Variants in IDO2 observed in about 807,000 individuals in gnomAD.
IDO2 encodes the protein indoleamine 2,3-dioxygenase 2.
A neutral mutation model predicts 45.1 loss-of-function variants in IDO2; 46 were observed. The ratio of observed to expected loss-of-function variants is 1.02; its 90% CI spans 0.80 to 1.30. The LOEUF is 1.30. Among genes scored for constraint, IDO2 ranks in the 50% most tolerant of loss-of-function variants. The pLI is 0.00. For missense variants in IDO2, 544 were observed against 491.8 expected, an observed-to-expected ratio of 1.11 and a Z score of -1.00; for synonymous variants, 218 against 184.9, an observed-to-expected ratio of 1.18 and a Z score of -1.45.
At chr8:39,973,833 C>T (rs907206684) in intron 3 of IDO2, among the ~76,000 whole-genome samples, 2 of 151,724 alleles carry the variant, frequency 1.3e-5, no homozygotes, top group Non-Finnish European at 2.9e-5. Flanking sequence ...CCTCCACTTC[C>T]CGGGTTCAAG....
At chr8:39,972,015 G>A (rs1808187001) in intron 3 of IDO2, among the ~76,000 whole-genome samples, 1 of 152,006 alleles carries the variant, frequency 6.6e-6, no homozygotes, top group African/African-American at 2.4e-5. Flanking sequence ...TTTCCATGTT[G>A]GCCAGGCTGG....
Position 39,966,925 on chromosome 8 carries a change from A to G in IDO2, c.195+3222A>G, listed in dbSNP as rs1216077507. Among the ~76,000 whole-genome samples, 3 of 152,216 alleles carry G rather than the reference A, an allele frequency of 2.0e-5. No homozygotes were observed. The East Asian group carries it at 5.8e-4, about 29-fold the overall frequency. On this transcript the variant is annotated intron_variant, in intron 3 of 10. Coordinates refer to ENST00000502986, the Ensembl canonical transcript of IDO2. ...AATGGCCTCCAATAAATAAGATGATATTAGTGCTTTAAATATTTTATTTAG... is the reference window on the plus strand; with the variant it reads ...AATGGCCTCCAATAAATAAGATGATGTTAGTGCTTTAAATATTTTATTTAG...
intron 4 of IDO2, among the ~76,000 whole-genome samples, chr8:39,980,788 C>G (rs919657483): frequency 6.6e-6 from 1 of 152,126 alleles, no homozygotes; most frequent in Non-Finnish European, 1.5e-5. Context: ...TCACTCTTGT[C>G]GCCCAGGCTA....
At chr8:39,946,844 G>A (rs1807739451) in intron 1 of IDO2, among the ~76,000 whole-genome samples, 1 of 151,670 alleles carries the variant, frequency 6.6e-6, no homozygotes, top group Non-Finnish European at 1.5e-5. Context: ...CTTAGTGGTA[G>A]GGTCCCAAAA....
At chr8:39,982,670 G>A (rs758397683) in exon 5 of IDO2, 1 of 1,609,454 alleles carries the variant, frequency 6.2e-7, no homozygotes, top group Non-Finnish European at 8.5e-7. Flanking sequence ...AAGGAATCTT[G>A]CCCTTCCATT....
intron 3 of IDO2, among the ~76,000 whole-genome samples, chr8:39,972,717 T>A (rs947787568): frequency 6.6e-6 from 1 of 151,498 alleles, no homozygotes; most frequent in African/African-American, 2.4e-5. Flanking sequence ...AGTCAATTGA[T>A]GTGGCAAACC....
Position 40,010,298 on chromosome 8 carries a change from C to T in IDO2, c.720-3267C>T, listed in dbSNP as rs1272876937. Reference sequence around the variant, plus strand: ...AAGTGCAATAACCCTGAGGTGGGAGCGTGTTGGTCGTGGTGGAAGAGCTGC... The same window carrying T: ...AAGTGCAATAACCCTGAGGTGGGAGTGTGTTGGTCGTGGTGGAAGAGCTGC... On this transcript the variant is annotated intron_variant, in intron 9 of 10. Transcript: ENST00000502986. Among the ~76,000 whole-genome samples the T allele has an allele frequency of 5.3e-5, 8 of 151,952 alleles. No individual in the cohort carries two copies. The East Asian group carries it at 5.8e-4, about 11-fold the overall frequency.
chr8:39,993,040 C>T (rs534559774), intron 8 of IDO2, among the ~76,000 whole-genome samples: 18 of 152,246 alleles, frequency 1.2e-4, no homozygotes, highest in East Asian at 5.8e-4. Context: ...GAAGTCCACA[C>T]GGTACTGGAA....
At chr8:40,007,897 T>C in intron 9 of IDO2, among the ~76,000 whole-genome samples, 1 of 152,108 alleles carries the variant, frequency 6.6e-6, no homozygotes, top group East Asian at 1.9e-4. Context: ...TCAAAACTCA[T>C]TTAGGTTGTT....
chr8:39,935,111 C>A, exon 1 of IDO2: 1 of 1,107,046 alleles, frequency 9.0e-7, no homozygotes, highest in Non-Finnish European at 1.4e-6. Context: ...TACCATAATA[C>A]AGAAGGCAAT....
At chr8:40,004,552 T>G (rs1314541874) in intron 8 of IDO2, among the ~76,000 whole-genome samples, 45 of 151,712 alleles carry the variant, frequency 3.0e-4, no homozygotes, top group Admixed American at 3.0e-3. Context: ...GATAGATAGA[T>G]AGATAGATAG....
rs371772821 is a variant in IDO2, at chr8:39,991,058, A to G, written c.667+1220A>G. 3.5e-4 allele frequency among the ~76,000 whole-genome samples: 53 copies of G among 152,304 alleles called. No homozygotes were observed. The East Asian group carries it at 7.7e-3, about 22-fold the overall frequency. On this transcript the variant is annotated intron_variant, in intron 8 of 10. Coordinates refer to ENST00000502986, the Ensembl canonical transcript of IDO2. ...GGAAAAGAGAGTGTTTACAAGAAGC[A>G]GGACTGGAGGGAGGGAGAAAGACGC...
intron 1 of IDO2, among the ~76,000 whole-genome samples, chr8:39,938,040 T>C (rs1224292630): frequency 6.6e-6 from 1 of 152,234 alleles, no homozygotes; most frequent in Non-Finnish European, 1.5e-5. Context: ...TTCTTAGACA[T>C]GTTAAGAACT....
At chr8:39,977,085 C>T (rs1441340940) in intron 3 of IDO2, among the ~76,000 whole-genome samples, 1 of 151,666 alleles carries the variant, frequency 6.6e-6, no homozygotes, top group Non-Finnish European at 1.5e-5. Flanking sequence ...TATTAAACAA[C>T]AATGAACTAA....
chr8:39,949,975 G>A (rs930480286), intron 2 of IDO2, among the ~76,000 whole-genome samples: 5 of 152,010 alleles, frequency 3.3e-5, no homozygotes, highest in African/African-American at 1.2e-4. Context: ...TCATCATTTA[G>A]CCCTTATAAA....
At chr8:39,936,169 T>C (rs1807545510) in intron 1 of IDO2, among the ~76,000 whole-genome samples, 1 of 152,222 alleles carries the variant, frequency 6.6e-6, no homozygotes. Context: ...AGATTTATTC[T>C]ACCTAAAGGA....
intron 8 of IDO2, among the ~76,000 whole-genome samples, chr8:40,003,140 T>C (rs1243424465): frequency 6.6e-6 from 1 of 151,876 alleles, no homozygotes; most frequent in African/African-American, 2.4e-5. Flanking sequence ...GAGGCCAAGG[T>C]GGGTGGATCA....
intron 8 of IDO2, among the ~76,000 whole-genome samples, chr8:39,992,272 A>ACAGGACACAAGG (rs1454543121): frequency 1.3e-5 from 2 of 152,234 alleles, no homozygotes; most frequent in African/African-American, 2.4e-5. Flanking sequence ...GTCCTGAGCC[A>ACAGGACACAAGG]CTAGGTAAAA....
intron 4 of IDO2, among the ~76,000 whole-genome samples, chr8:39,980,573 A>C (rs1349957660): frequency 1.3e-5 from 2 of 152,122 alleles, no homozygotes; most frequent in Non-Finnish European, 2.9e-5. Flanking sequence ...TGCCTTCCCC[A>C]GAAATCAGGG....
Sources: gnomAD v4.1 joint callset for allele counts (sites outside exome capture counted in the v4.1 genomes callset) on GRCh38, gnomAD v4.1.1 for gene constraint, MANE v1.5 for transcripts, NCBI Gene and HGNC (gene_info 2026-07-23, HGNC 2026-07-21) for gene names.